Variants in LRRTM4 observed in about 807,000 individuals in gnomAD.
LRRTM4 encodes leucine rich repeat transmembrane neuronal 4.
LRRTM4 carries 25 observed loss-of-function variants against 47.6 expected under a neutral mutation model. The ratio of observed to expected loss-of-function variants is 0.53; its 90% CI spans 0.38 to 0.73. The LOEUF is 0.73. Ranked by LOEUF, LRRTM4 falls within the 30% of genes least tolerant of loss-of-function variation. The pLI, the probability that LRRTM4 is intolerant of heterozygous loss-of-function variation, is 0.00. For missense variants in LRRTM4, 638 were observed against 713.4 expected, an observed-to-expected ratio of 0.89 and a Z score of 1.20; for synonymous variants, 311 against 269.5, an observed-to-expected ratio of 1.15 and a Z score of -1.51.
Position 77,134,980 on chromosome 2 carries a change from C to T in LRRTM4, c.1551+383338G>A, listed in dbSNP as rs527587684. ...AAGAGGATAAAATCCTTAAGAACAC[C>T]CAATACCTTCTGAGGCATCAGTAAA... On this transcript the variant is annotated intron_variant, in intron 3 of 3. Coordinates refer to ENST00000409884, the MANE Select transcript of LRRTM4 (RefSeq NM_001134745.3). Among the ~76,000 whole-genome samples, 15 of 136,238 alleles carry T rather than the reference C, an allele frequency of 1.1e-4. No homozygotes were observed. In the South Asian group the frequency reaches 3.0e-3, roughly 28 times the overall value. The allele number at this position is 136,238 out of a possible 152,430, so 89.4% of individuals were successfully genotyped here.
chr2:76,864,202 G>T (rs2104020793), intron 3 of LRRTM4, among the ~76,000 whole-genome samples: 1 of 152,228 alleles, frequency 6.6e-6, no homozygotes, highest in Non-Finnish European at 1.5e-5. Flanking sequence ...TTTTTAAAGT[G>T]GTGGGATTCA....
intron 3 of LRRTM4, among the ~76,000 whole-genome samples, chr2:77,413,878 A>G (rs911168070): frequency 6.6e-6 from 1 of 152,002 alleles, no homozygotes; most frequent in African/African-American, 2.4e-5. Context: ...AAAACCCCAT[A>G]TATCCATATG....
At chr2:77,453,455 C>G (rs1676344472) in intron 3 of LRRTM4, among the ~76,000 whole-genome samples, 2 of 152,148 alleles carry the variant, frequency 1.3e-5, no homozygotes, top group Non-Finnish European at 2.9e-5. Flanking sequence ...GCTGGGATTA[C>G]AGGCGTGAGC....
intron 3 of LRRTM4, among the ~76,000 whole-genome samples, chr2:77,478,607 C>A (rs989896104): frequency 6.6e-6 from 1 of 152,108 alleles, no homozygotes; most frequent in African/African-American, 2.4e-5. Context: ...GAGAAATATT[C>A]TTTTGTACAC....
At chr2:77,225,959 A>ATTCT (rs1320466919) in intron 3 of LRRTM4, among the ~76,000 whole-genome samples, 5 of 151,976 alleles carry the variant, frequency 3.3e-5, no homozygotes, top group African/African-American at 1.2e-4. Flanking sequence ...TAAGTAATTT[A>ATTCT]TTCTTACTGC....
chr2:77,036,811 G>C (rs1372142315), intron 3 of LRRTM4, among the ~76,000 whole-genome samples: 1 of 151,622 alleles, frequency 6.6e-6, no homozygotes, highest in Non-Finnish European at 1.5e-5. Flanking sequence ...GCAAAAATGT[G>C]GTGAGACATT....
chr2:77,117,229 T>C (rs1671411469), intron 3 of LRRTM4, among the ~76,000 whole-genome samples: 1 of 152,106 alleles, frequency 6.6e-6, no homozygotes, highest in South Asian at 2.1e-4. Context: ...TTTTGACATA[T>C]GTTTTCAAAT....
rs369999375 is a variant in LRRTM4 at position 77,050,788 on chromosome 2, T to C, written c.1552-301872A>G. Among the ~76,000 whole-genome samples the C allele has an allele frequency of 4.6e-5, 7 of 152,316 alleles. No homozygotes were observed. The South Asian group carries it at 1.2e-3, about 27-fold the overall frequency. On this transcript the variant is annotated intron_variant, in intron 3 of 3. Coordinates refer to ENST00000409884, the MANE Select transcript of LRRTM4 (RefSeq NM_001134745.3). Reference sequence around the variant, plus strand: ...TGTAAAACGGAAAAGTAATTTTATTTATTTCATAGGATTGAGTATTAGATA... The same window carrying C: ...TGTAAAACGGAAAAGTAATTTTATTCATTTCATAGGATTGAGTATTAGATA...
intron 3 of LRRTM4, among the ~76,000 whole-genome samples, chr2:76,939,245 T>C (rs577355931): frequency 6.6e-6 from 1 of 152,314 alleles, no homozygotes; most frequent in African/African-American, 2.4e-5. Context: ...ACAGAATTTG[T>C]TTCTTGCTCA....
chr2:77,067,058 T>G (rs997594591), intron 3 of LRRTM4, among the ~76,000 whole-genome samples: 1 of 152,222 alleles, frequency 6.6e-6, no homozygotes, highest in Non-Finnish European at 1.5e-5. Flanking sequence ...AATTAAAGTA[T>G]AGCACATTCC....
intron 3 of LRRTM4, among the ~76,000 whole-genome samples, chr2:76,808,675 A>C (rs1553412948): frequency 1.3e-5 from 2 of 152,220 alleles, no homozygotes; most frequent in Admixed American, 6.5e-5. Flanking sequence ...TCCACTTCCA[A>C]ATTCCTAGAA....
chr2:77,386,794 G>A (rs1268784930), intron 3 of LRRTM4, among the ~76,000 whole-genome samples: 1 of 152,016 alleles, frequency 6.6e-6, no homozygotes, highest in East Asian at 1.9e-4. Flanking sequence ...TCGGGGAGTG[G>A]GGGGCAAGGG....
At chr2:76,911,844 T>TTGTGTGTGTCTGTG (rs369936815) in intron 3 of LRRTM4, among the ~76,000 whole-genome samples, 1,938 of 150,814 alleles carry the variant, frequency 0.013, 42 homozygotes, top group African/African-American at 0.045. Context: ...GTGTGTATAT[T>TTGTGTGTGTCTGTG]TGTGTGTGTC....
intron 3 of LRRTM4, among the ~76,000 whole-genome samples, chr2:76,770,196 A>G (rs2104109712): frequency 6.6e-6 from 1 of 152,358 alleles, no homozygotes; most frequent in Non-Finnish European, 1.5e-5. Context: ...CCAAGTTTTA[A>G]AGGATTAATA....
chr2:77,314,073 G>C (rs1396547369), intron 3 of LRRTM4, among the ~76,000 whole-genome samples: 2 of 152,128 alleles, frequency 1.3e-5, no homozygotes, highest in African/African-American at 4.8e-5. Flanking sequence ...AATTTTTAGA[G>C]GATGTCTAGA....
intron 3 of LRRTM4, among the ~76,000 whole-genome samples, chr2:77,317,656 C>G (rs1262130399): frequency 1.3e-5 from 2 of 152,146 alleles, no homozygotes; most frequent in African/African-American, 4.8e-5. Context: ...TCACACAGAA[C>G]AGGCAGACTA....
intron 3 of LRRTM4, among the ~76,000 whole-genome samples, chr2:77,508,200 G>C (rs961407305): frequency 2.0e-5 from 3 of 152,204 alleles, no homozygotes; most frequent in African/African-American, 7.2e-5. Flanking sequence ...GCCTTCTCCA[G>C]CGAGATCTAT....
intron 3 of LRRTM4, among the ~76,000 whole-genome samples, chr2:77,147,614 T>C (rs936109078): frequency 1.3e-5 from 2 of 152,202 alleles, no homozygotes; most frequent in African/African-American, 2.4e-5. Flanking sequence ...TTTTCCAAAT[T>C]CTGTCCAGTG....
intron 3 of LRRTM4, among the ~76,000 whole-genome samples, chr2:77,222,159 G>A (rs1278308286): frequency 1.3e-5 from 2 of 152,122 alleles, no homozygotes; most frequent in African/African-American, 4.8e-5. Context: ...TGAAACCAAT[G>A]AGAACAAAGA....
Sources: allele counts gnomAD v4.1 joint callset (sites outside exome capture counted in the v4.1 genomes callset), GRCh38; gene constraint gnomAD v4.1.1; transcripts MANE v1.5; gene names NCBI Gene and HGNC (gene_info 2026-07-23, HGNC 2026-07-21).